Variants in KIF6 observed in about 807,000 individuals in gnomAD.
KIF6 encodes the protein kinesin-like protein KIF6.
A neutral mutation model predicts 112.7 loss-of-function variants in KIF6; 106 were observed. That is an observed-to-expected ratio of 0.94 (90% CI 0.80 to 1.11). The LOEUF (loss-of-function observed/expected upper bound fraction) is 1.11. Among genes scored for constraint, KIF6 ranks in the 50% least tolerant of loss-of-function variants. KIF6 has a pLI of 0.00. For synonymous variants in KIF6, 339 were observed against 339.9 expected (o/e 1.00, Z 0.03); for missense variants, 929 against 964.0 (o/e 0.96, Z 0.48).
intron 15 of KIF6, among the ~76,000 whole-genome samples, chr6:39,416,932 G>C (rs910485181): frequency 2.6e-5 from 4 of 152,136 alleles, no homozygotes; most frequent in African/African-American, 9.7e-5. Context: ...TCCAGAGGCA[G>C]GATGTAGCCC....
At chr6:39,606,104 C>T (rs189807445) in intron 6 of KIF6, among the ~76,000 whole-genome samples, 6 of 151,942 alleles carry the variant, frequency 3.9e-5, no homozygotes, top group Admixed American at 1.3e-4. Flanking sequence ...TTTTCAGTCA[C>T]GTTTCTTCCT....
chr6:39,621,040 A>G (rs1783787830), intron 5 of KIF6, among the ~76,000 whole-genome samples: 1 of 152,074 alleles, frequency 6.6e-6, no homozygotes, highest in Non-Finnish European at 1.5e-5. Flanking sequence ...AAGTGCTGGG[A>G]TTACAGGTGT....
chr6:39,671,780 A>G (rs747621227), intron 3 of KIF6, among the ~76,000 whole-genome samples: 9 of 152,242 alleles, frequency 5.9e-5, no homozygotes, highest in Non-Finnish European at 1.2e-4. Context: ...TTGTTATAAT[A>G]TTGATAAGAA....
In KIF6 at chr6:39,440,847, CA is replaced by C. The variant is rs1771876853; in HGVS notation, c.1646-9687del. ...TCTTGGGAGTGGTGCTGGATGTCTC[CA>C]GGGGCATAGAGAGGAAATGGTGGCT... On this transcript the variant is annotated intron_variant, in intron 13 of 22. Transcript: ENST00000287152. Among the ~76,000 whole-genome samples the C allele has an allele frequency of 2.6e-5, 4 of 152,136 alleles. No individual in the cohort carries two copies. In the South Asian group the frequency reaches 8.3e-4, roughly 32 times the overall value.
chr6:39,630,969 C>T (rs2150751664), intron 5 of KIF6, among the ~76,000 whole-genome samples: 1 of 152,042 alleles, frequency 6.6e-6, no homozygotes, highest in African/African-American at 2.4e-5. Context: ...CCATGGACTA[C>T]ATTAATTGAT....
Position 39,526,003 on chromosome 6 carries a change from AC to A in KIF6, c.1645+13999del, listed in dbSNP as rs1316603160. 3.3e-5 allele frequency among the ~76,000 whole-genome samples: 5 copies of A among 152,104 alleles called. 1 individual carries two copies. The highest frequency in any genetic ancestry group is 6.5e-5 in the Admixed American group (1 of 15,274). On this transcript the variant is annotated intron_variant, in intron 13 of 22. Coordinates refer to ENST00000287152, the MANE Select transcript of KIF6 (RefSeq NM_145027.6). ...CATTTGTTTTGTTGAAAATAAACAA[AC>A]AAGCAAATAACACAATACAAGCAAC...
At chr6:39,452,029 G>A (rs928354465) in intron 13 of KIF6, among the ~76,000 whole-genome samples, 7 of 152,104 alleles carry the variant, frequency 4.6e-5, no homozygotes, top group Non-Finnish European at 8.8e-5. Context: ...GCAGATAGGC[G>A]GCATCCTCAG....
chr6:39,542,807 A>G (rs1434317289), intron 12 of KIF6, among the ~76,000 whole-genome samples: 2 of 152,210 alleles, frequency 1.3e-5, no homozygotes, highest in Non-Finnish European at 2.9e-5. Context: ...GCTCCTGAAG[A>G]GTAGAAAGCA....
chr6:39,668,279 G>A (rs1786600766), intron 3 of KIF6, among the ~76,000 whole-genome samples: 1 of 152,168 alleles, frequency 6.6e-6, no homozygotes, highest in African/African-American at 2.4e-5. Context: ...TTTAGGTTCT[G>A]AAGTTTTAAA....
intron 13 of KIF6, among the ~76,000 whole-genome samples, chr6:39,480,718 T>C (rs9380868): frequency 0.09 from 13,671 of 152,140 alleles, 859 homozygotes; most frequent in East Asian, 0.25. Flanking sequence ...TTTTTTATTA[T>C]CATTTTAGTC....
intron 2 of KIF6, among the ~76,000 whole-genome samples, chr6:39,715,418 T>G (rs931373694): frequency 1.3e-5 from 2 of 152,144 alleles, no homozygotes; most frequent in East Asian, 1.9e-4. Context: ...TGGTGTCAAT[T>G]TCACTCTTCT....
intron 3 of KIF6, among the ~76,000 whole-genome samples, chr6:39,666,684 A>G (rs941142455): frequency 6.6e-6 from 1 of 152,158 alleles, no homozygotes; most frequent in Non-Finnish European, 1.5e-5. Context: ...CTCTCTGACA[A>G]AGGATGTTTT....
In KIF6 at chr6:39,428,230, GT is replaced by G. The variant is rs561195671; in HGVS notation, c.1754+2822del. 5.1e-4 allele frequency among the ~76,000 whole-genome samples: 78 copies of G among 152,286 alleles called. No homozygotes were observed. In the South Asian group the frequency reaches 8.3e-3, roughly 16 times the overall value. ...GGCTTTGGTAGCTTTTAAAAGCTCTGTTGGTTGTTTTAATATGAAGCCAGTT... is the reference window on the plus strand; with the variant it reads ...GGCTTTGGTAGCTTTTAAAAGCTCTGTGGTTGTTTTAATATGAAGCCAGTT... On this transcript the variant is annotated intron_variant, in intron 14 of 22. Transcript: ENST00000287152.
At chr6:39,490,515 T>G (rs1028392563) in intron 13 of KIF6, among the ~76,000 whole-genome samples, 3 of 152,200 alleles carry the variant, frequency 2.0e-5, no homozygotes, top group African/African-American at 7.2e-5. Context: ...TTGGCTACAC[T>G]AACCGTTGGG....
At chr6:39,340,973 G>T (rs1763296867) in intron 22 of KIF6, among the ~76,000 whole-genome samples, 1 of 152,068 alleles carries the variant, frequency 6.6e-6, no homozygotes, top group Non-Finnish European at 1.5e-5. Flanking sequence ...CCCACACACT[G>T]TCCCCTCTAC....
chr6:39,555,581 A>G (rs1230681643), intron 10 of KIF6, among the ~76,000 whole-genome samples: 2 of 152,076 alleles, frequency 1.3e-5, no homozygotes, highest in Non-Finnish European at 2.9e-5. Context: ...CTAACCTCCC[A>G]CGGTCCCATA....
chr6:39,440,947 C>T (rs907331546), intron 13 of KIF6, among the ~76,000 whole-genome samples: 2 of 152,088 alleles, frequency 1.3e-5, no homozygotes, highest in African/African-American at 4.8e-5. Context: ...TGACACTGGA[C>T]TGAATACATG....
chr6:39,413,420 A>G (rs1488463602), intron 15 of KIF6, among the ~76,000 whole-genome samples: 2 of 152,116 alleles, frequency 1.3e-5, no homozygotes, highest in Admixed American at 6.6e-5. Context: ...TGTTCAGTTT[A>G]TGTGGTGCAG....
At chr6:39,497,961 G>T (rs1025407221) in intron 13 of KIF6, among the ~76,000 whole-genome samples, 2 of 152,072 alleles carry the variant, frequency 1.3e-5, no homozygotes, top group Non-Finnish European at 2.9e-5. Flanking sequence ...TATAAACTAG[G>T]AATCTAGGAT....
Sources: allele counts gnomAD v4.1 joint callset (sites outside exome capture counted in the v4.1 genomes callset), GRCh38; gene constraint gnomAD v4.1.1; transcripts MANE v1.5; gene names NCBI Gene and HGNC (gene_info 2026-07-23, HGNC 2026-07-21).